Variants in CMTM8 observed in about 807,000 individuals in gnomAD.
CMTM8 encodes CKLF-like MARVEL transmembrane domain-containing protein 8.
A neutral mutation model predicts 18.6 loss-of-function variants in CMTM8; 12 were observed. That is an observed-to-expected ratio of 0.65 (90% CI 0.41 to 1.05). The LOEUF is 1.05. Among genes scored for constraint, CMTM8 ranks in the 50% least tolerant of loss-of-function variants. The pLI, the probability that CMTM8 is intolerant of heterozygous loss-of-function variation, is 0.00. For synonymous variants in CMTM8, 87 were observed against 90.6 expected (o/e 0.96, Z 0.23); for missense variants, 217 against 227.2 (o/e 0.95, Z 0.29).
At chr3:32,357,570 C>T in intron 2 of CMTM8, 24 bp downstream of exon 2, 1 of 1,611,974 alleles carries the variant, frequency 6.2e-7, no homozygotes, top group Middle Eastern at 1.7e-4. Context: ...GGGTGGTGGT[C>T]TTGTCCAGTG....
chr3:32,366,292 G>T (rs1180800074), intron 2 of CMTM8, among the ~76,000 whole-genome samples: 2 of 152,140 alleles, frequency 1.3e-5, no homozygotes, highest in African/African-American at 2.4e-5. Context: ...TTTCTTTAGA[G>T]TTCAGAAAAA....
In CMTM8 at chr3:32,263,426, C is replaced by T. The variant is rs533443430; in HGVS notation, c.147+24307C>T. ...AAGGAAAACTAACAAACAGAAAGGACATCCACACCAAAACCCCATCTGTAC... is the reference window on the plus strand; with the variant it reads ...AAGGAAAACTAACAAACAGAAAGGATATCCACACCAAAACCCCATCTGTAC... On this transcript the variant is annotated intron_variant, in intron 1 of 3. Transcript: ENST00000307526. 6.6e-5 allele frequency among the ~76,000 whole-genome samples: 10 copies of T among 152,256 alleles called. 1 individual carries two copies. In the South Asian group the frequency reaches 1.5e-3, roughly 22 times the overall value.
chr3:32,261,038 G>A (rs1702250223), intron 1 of CMTM8, among the ~76,000 whole-genome samples: 1 of 151,994 alleles, frequency 6.6e-6, no homozygotes, highest in Non-Finnish European at 1.5e-5. Context: ...ACTGAGCAAC[G>A]TAGCGAGACC....
At chr3:32,345,173 G>A (rs956082702) in intron 1 of CMTM8, among the ~76,000 whole-genome samples, 6 of 152,146 alleles carry the variant, frequency 3.9e-5, no homozygotes, top group South Asian at 2.1e-4. Flanking sequence ...GCAAGACCTC[G>A]TTTCTACAAG....
chr3:32,346,785 T>C (rs1208589427), intron 1 of CMTM8, among the ~76,000 whole-genome samples: 1 of 151,938 alleles, frequency 6.6e-6, no homozygotes, highest in Non-Finnish European at 1.5e-5. Flanking sequence ...ATCTACATGA[T>C]TGAAGCTTCC....
intron 1 of CMTM8, among the ~76,000 whole-genome samples, chr3:32,301,914 G>C (rs1378403843): frequency 1.3e-5 from 2 of 151,862 alleles, no homozygotes; most frequent in African/African-American, 4.8e-5. Flanking sequence ...TGAAAAGCTT[G>C]AATTCATAGT....
In CMTM8 at chr3:32,370,033, A is replaced by G; in HGVS notation, c.*66A>G. Reference sequence around the variant, plus strand: ...TCTCACTGTAAAAACAGCTGTAGGTATAATGTATATTCCCAGAGAATTGTA... The same window carrying G: ...TCTCACTGTAAAAACAGCTGTAGGTGTAATGTATATTCCCAGAGAATTGTA... On this transcript the variant is annotated 3_prime_UTR_variant, in exon 4 of 4. Transcript: ENST00000307526. 4 of 824,022 alleles carry G rather than the reference A, an allele frequency of 4.9e-6. No individual in the cohort carries two copies. The highest frequency in any genetic ancestry group is 7.8e-6 in the Non-Finnish European group (4 of 511,736). The allele number at this position is 824,022 out of a possible 1,614,324, so 51.0% of individuals were successfully genotyped here.
At chr3:32,268,378 A>G (rs1227524041) in intron 1 of CMTM8, among the ~76,000 whole-genome samples, 1 of 152,132 alleles carries the variant, frequency 6.6e-6, no homozygotes, top group Non-Finnish European at 1.5e-5. Flanking sequence ...CTCACTCATA[A>G]GTGGGAATTG....
chr3:32,293,077 G>GTGTGTGTA (rs148004069), intron 1 of CMTM8, among the ~76,000 whole-genome samples: 3 of 145,738 alleles, frequency 2.1e-5, no homozygotes, highest in East Asian at 2.0e-4. Context: ...ATATGTGTGT[G>GTGTGTGTA]TATATATATA....
At chr3:32,251,774 G>A (rs562024790) in intron 1 of CMTM8, among the ~76,000 whole-genome samples, 6 of 150,824 alleles carry the variant, frequency 4.0e-5, no homozygotes, top group African/African-American at 1.4e-4. Flanking sequence ...AGAAAATATA[G>A]GGGAATTTTT....
chr3:32,329,709 G>A (rs1358308648), intron 1 of CMTM8, among the ~76,000 whole-genome samples: 1 of 152,188 alleles, frequency 6.6e-6, no homozygotes, highest in Non-Finnish European at 1.5e-5. Context: ...TAGGAATAGG[G>A]CAAGGATGTC....
chr3:32,259,371 T>G (rs1702222741), intron 1 of CMTM8: 1 of 819,466 alleles, frequency 1.2e-6, no homozygotes, highest in Non-Finnish European at 2.2e-6. Context: ...TCAAATACTG[T>G]GGACAATGCC....
chr3:32,284,449 G>A (rs534513814), intron 1 of CMTM8, among the ~76,000 whole-genome samples: 2 of 152,320 alleles, frequency 1.3e-5, no homozygotes, highest in African/African-American at 2.4e-5. Context: ...GAGTGGGGCT[G>A]CCTCACCTTG....
chr3:32,362,627 G>C (rs1435084048), intron 2 of CMTM8, among the ~76,000 whole-genome samples: 4 of 152,150 alleles, frequency 2.6e-5, no homozygotes, highest in Non-Finnish European at 5.9e-5. Flanking sequence ...CATTTCCACT[G>C]TGCCATCCTG....
At chr3:32,325,062 A>G (rs1696127011) in intron 1 of CMTM8, among the ~76,000 whole-genome samples, 1 of 152,198 alleles carries the variant, frequency 6.6e-6, no homozygotes, top group Non-Finnish European at 1.5e-5. Flanking sequence ...GGGCAGTCAG[A>G]GCACCCCTCT....
chr3:32,270,835 G>A (rs1444441394), intron 1 of CMTM8, among the ~76,000 whole-genome samples: 3 of 152,082 alleles, frequency 2.0e-5, no homozygotes, highest in Non-Finnish European at 2.9e-5. Context: ...TAACCTGCAC[G>A]TTGTGCACAT....
chr3:32,264,461 C>T (rs1010185448), intron 1 of CMTM8, among the ~76,000 whole-genome samples: 1 of 152,114 alleles, frequency 6.6e-6, no homozygotes, highest in East Asian at 1.9e-4. Context: ...AAGCACTAAA[C>T]GTGGAAAGGA....
chr3:32,327,214 C>T (rs943144725), intron 1 of CMTM8, among the ~76,000 whole-genome samples: 2 of 152,044 alleles, frequency 1.3e-5, no homozygotes, highest in Non-Finnish European at 2.9e-5. Context: ...AATGATTGTC[C>T]TTCCAAATAG....
chr3:32,258,594 C>T (rs183463847), intron 1 of CMTM8, among the ~76,000 whole-genome samples: 1 of 152,208 alleles, frequency 6.6e-6, no homozygotes, highest in Non-Finnish European at 1.5e-5. Context: ...ACTAAAGCCT[C>T]GACCTCCCAG....
Sources: allele counts gnomAD v4.1 joint callset (sites outside exome capture counted in the v4.1 genomes callset), GRCh38; gene constraint gnomAD v4.1.1; transcripts MANE v1.5; gene names NCBI Gene and HGNC (gene_info 2026-07-23, HGNC 2026-07-21).